DNAH11: variants seen among roughly 807,000 people sequenced by gnomAD.
DNAH11 encodes the protein axonemal beta dynein heavy chain 11.
In DNAH11, 442 loss-of-function variants were observed where a neutral mutation model predicts 526.0. The observed-to-expected ratio is 0.84, with a 90% CI of 0.78 to 0.91. DNAH11 has a LOEUF of 0.91. DNAH11 is among the 40% of genes least tolerant of loss of function. DNAH11 has a pLI of 0.00. For missense variants in DNAH11, 6,989 were observed against 5,448.7 expected (o/e 1.28, Z -8.90); for synonymous variants, 2,461 against 1,935.9 (o/e 1.27, Z -7.12).
At chr7:21,577,269 A>G (rs1784132462) in intron 8 of DNAH11, among the ~76,000 whole-genome samples, 1 of 152,180 alleles carries the variant, frequency 6.6e-6, no homozygotes, top group Non-Finnish European at 1.5e-5. Flanking sequence ...GCCAAACACC[A>G]TGGAAGAAAC....
intron 45 of DNAH11, 44 bp from the exon 46 acceptor site, chr7:21,735,592 ACTCT>A (rs1562517347): frequency 7.2e-6 from 11 of 1,518,178 alleles, no homozygotes; most frequent in African/African-American, 1.4e-5. Flanking sequence ...TCTCGCACGC[ACTCT>A]CTCTCTCTTT....
chr7:21,690,243 A>G (rs1168871475), intron 34 of DNAH11, among the ~76,000 whole-genome samples: 1 of 152,230 alleles, frequency 6.6e-6, no homozygotes, highest in African/African-American at 2.4e-5. Flanking sequence ...CTGAATACTC[A>G]CAGTCTGGCT....
chr7:21,900,730 G>C (rs1189233345), intron 81 of DNAH11, among the ~76,000 whole-genome samples: 1 of 141,412 alleles, frequency 7.1e-6, no homozygotes, highest in African/African-American at 2.5e-5. Context: ...AACTAGTTCA[G>C]TGTATGTGAA....
intron 56 of DNAH11, among the ~76,000 whole-genome samples, chr7:21,776,981 A>G (rs1402825915): frequency 6.6e-6 from 1 of 151,416 alleles, no homozygotes; most frequent in Non-Finnish European, 1.5e-5. Context: ...ATGCAGTTTT[A>G]TCACATGTAG....
In DNAH11 at chr7:21,744,999, G is replaced by C; in HGVS notation, c.8446G>C (p.Asp2816His). 6.2e-7 allele frequency: 1 copy of C among 1,610,248 alleles called. No individual in the cohort carries two copies. Among genetic ancestry groups the C allele is most frequent in the South Asian group, 1.1e-5 (1 of 90,032 alleles). Residue 2816 changes from aspartate to histidine, a missense_variant, in exon 51 of 82, where the codon GAC becomes CAC. Coordinates refer to ENST00000409508, the MANE Select transcript of DNAH11 (RefSeq NM_001277115.2). ...GAAGACGATTCTTACAGAAACGTTAGACAACTACAATGAACTAAATGCTGC... is the reference window on the plus strand; with the variant it reads ...GAAGACGATTCTTACAGAAACGTTACACAACTACAATGAACTAAATGCTGC... ...VLKTILTETLDNYNELNAAMH... is the reference protein window; with the variant it reads ...VLKTILTETLHNYNELNAAMH...
intron 62 of DNAH11, 25 bp from the exon 63 acceptor site, chr7:21,807,858 C>A: frequency 6.3e-7 from 1 of 1,575,980 alleles, no homozygotes; most frequent in Non-Finnish European, 8.7e-7. Flanking sequence ...GCAATTACAG[C>A]TGAGTAATTT....
At chr7:21,592,525 A>T (rs1442882204) in intron 14 of DNAH11, among the ~76,000 whole-genome samples, 1 of 152,174 alleles carries the variant, frequency 6.6e-6, no homozygotes, top group East Asian at 1.9e-4. Context: ...GCAGGCTGTT[A>T]TGAGGACTTT....
At chr7:21,750,134 C>A in intron 53 of DNAH11, 88 bp from the exon 54 acceptor site, 1 of 1,430,786 alleles carries the variant, frequency 7.0e-7, no homozygotes, top group Non-Finnish European at 9.3e-7. Context: ...TGAACTTTGT[C>A]TTGTAAAACA....
chr7:21,650,864 T>A (rs1787595094), intron 28 of DNAH11, among the ~76,000 whole-genome samples: 1 of 151,594 alleles, frequency 6.6e-6, no homozygotes, highest in African/African-American at 2.4e-5. Context: ...GGTCTCGAAC[T>A]CCTGACCTCA....
chr7:21,794,591 T>C (rs1788625450), intron 61 of DNAH11, among the ~76,000 whole-genome samples: 1 of 152,162 alleles, frequency 6.6e-6, no homozygotes. Flanking sequence ...AGCTGGGGGT[T>C]TGTGCCCAGA....
intron 33 of DNAH11, 52 bp downstream of exon 33, chr7:21,687,307 T>C (rs913998414): frequency 1.4e-5 from 22 of 1,556,076 alleles, no homozygotes; most frequent in Non-Finnish European, 1.8e-5. Context: ...ACATTATTCC[T>C]GATTGGGAAT....
intron 73 of DNAH11, among the ~76,000 whole-genome samples, chr7:21,870,137 G>T (rs890253478): frequency 2.0e-5 from 3 of 152,170 alleles, no homozygotes; most frequent in African/African-American, 7.2e-5. Context: ...CGAGTGGCTG[G>T]AGAGCCTCAA....
At position 21,606,697 on chromosome 7, in the gene DNAH11, A is replaced by G; in HGVS notation, c.3816A>G (p.Gly1272=). ...RERFRHYAPL[G]FNAENPYTAL... ...GATTCAGACACTATGCCCCTCTTGG[A>G]TTTAATGCAGAAAATCCATACACAG... The change falls in exon 20 of 82, where the codon GGA becomes GGG. Residue 1272 remains glycine, a synonymous_variant. Coordinates refer to ENST00000409508, the MANE Select transcript of DNAH11 (RefSeq NM_001277115.2). 2 of 1,603,770 alleles carry G rather than the reference A, an allele frequency of 1.2e-6. No individual in the cohort carries two copies. The highest frequency in any genetic ancestry group is 1.7e-6 in the Non-Finnish European group (2 of 1,178,186).
chr7:21,804,143 C>G (rs1789136121), intron 62 of DNAH11, among the ~76,000 whole-genome samples: 1 of 151,762 alleles, frequency 6.6e-6, no homozygotes, highest in Non-Finnish European at 1.5e-5. Context: ...GAGTCTTGCT[C>G]TGTTGCCCAG....
chr7:21,611,792 T>C lies in DNAH11; in HGVS notation c.3853-3322T>C, dbSNP rs376867440. Reference sequence around the variant, plus strand: ...TCTACTGGGAAAAATTCTCTCTCAATAATAGTGAAATGAAGATATTTCAGG... The same window carrying C: ...TCTACTGGGAAAAATTCTCTCTCAACAATAGTGAAATGAAGATATTTCAGG... On this transcript the variant is annotated intron_variant, in intron 20 of 81. Transcript: ENST00000409508. 2.6e-5 allele frequency among the ~76,000 whole-genome samples: 4 copies of C among 152,170 alleles called. No individual in the cohort carries two copies. The East Asian group carries it at 7.7e-4, about 29-fold the overall frequency.
chr7:21,576,560 T>A (rs1053767272), intron 8 of DNAH11, among the ~76,000 whole-genome samples: 1 of 152,226 alleles, frequency 6.6e-6, no homozygotes, highest in African/African-American at 2.4e-5. Context: ...AAGTGGGAGA[T>A]TGTGCTTATA....
intron 81 of DNAH11, 141 bp from the exon 82 acceptor site, chr7:21,900,866 C>T (rs942904752): frequency 1.1e-5 from 15 of 1,383,248 alleles, no homozygotes; most frequent in Admixed American, 7.1e-5. Context: ...TCAGTCCGGC[C>T]AGCTCAGTAA....
chr7:21,642,485 C>T (rs998738396), intron 28 of DNAH11, among the ~76,000 whole-genome samples: 1 of 152,058 alleles, frequency 6.6e-6, no homozygotes, highest in Non-Finnish European at 1.5e-5. Flanking sequence ...ACTCTCTTAC[C>T]CTCTTTTCAA....
intron 36 of DNAH11, 144 bp from the exon 37 acceptor site, chr7:21,702,566 A>G (rs1178928597): frequency 5.9e-6 from 4 of 673,126 alleles, no homozygotes; most frequent in Non-Finnish European, 1.0e-5. Flanking sequence ...CACAGTTTCA[A>G]AGAGCAGAAG....
Sources: gnomAD v4.1 joint callset for allele counts (sites outside exome capture counted in the v4.1 genomes callset) on GRCh38, gnomAD v4.1.1 for gene constraint, MANE v1.5 for transcripts, NCBI Gene and HGNC (gene_info 2026-07-23, HGNC 2026-07-21) for gene names.